Variants in FOXJ2 observed in about 807,000 individuals in gnomAD.
The protein encoded by FOXJ2 is forkhead box J2.
In FOXJ2, 18 loss-of-function variants were observed where a neutral mutation model predicts 68.4. That is an observed-to-expected ratio of 0.26 (90% CI 0.18 to 0.39). FOXJ2 has a LOEUF of 0.39. FOXJ2 is among the 10% of genes least tolerant of loss of function. The pLI is 1.00. For synonymous variants in FOXJ2, 274 were observed against 263.2 expected, an observed-to-expected ratio of 1.04 and a Z score of -0.40; for missense variants, 670 against 726.5, an observed-to-expected ratio of 0.92 and a Z score of 0.89.
chr12:8,032,888 A>G lies in FOXJ2; in HGVS notation c.-960A>G. 2.5e-6 allele frequency: 1 copy of G among 398,194 alleles called. No individual in the cohort carries two copies. The highest frequency in any genetic ancestry group is 4.4e-6 in the Non-Finnish European group (1 of 225,846). The allele number at this position is 398,194 out of a possible 1,614,324, so 24.7% of individuals were successfully genotyped here. ...CGGCCCTAGAGGAGGTGCTGCCGCCACAGTAGCAGGGACCGGAGTCTCGAG... is the reference window on the plus strand; with the variant it reads ...CGGCCCTAGAGGAGGTGCTGCCGCCGCAGTAGCAGGGACCGGAGTCTCGAG... On this transcript the variant is annotated 5_prime_UTR_variant, in exon 1 of 11. Coordinates refer to ENST00000162391, the MANE Select transcript of FOXJ2 (RefSeq NM_018416.3). The surrounding 1 kb of genome is among the most constrained non-coding windows in gnomAD (Gnocchi z 4.8).
At chr12:8,047,798 G>T in intron 6 of FOXJ2, 84 bp from the exon 7 acceptor site, 1 of 1,483,530 alleles carries the variant, frequency 6.7e-7, no homozygotes, top group Non-Finnish European at 9.0e-7. Flanking sequence ...TTAGTCTGAG[G>T]CTTCCCATCT....
Position 8,048,113 on chromosome 12 carries a change from A to G in FOXJ2, c.1049A>G (p.Lys350Arg), listed in dbSNP as rs1333212843. The G allele has an allele frequency of 1.2e-6, 2 of 1,612,904 alleles. No individual in the cohort carries two copies. Among genetic ancestry groups the G allele is most frequent in the Non-Finnish European group, 1.7e-6 (2 of 1,179,390 alleles). ...GATGGTTGTACCCCACCAGGGGGAAAGCAAGCTGGGGCGGAAGGCTATGGG... is the reference window on the plus strand; with the variant it reads ...GATGGTTGTACCCCACCAGGGGGAAGGCAAGCTGGGGCGGAAGGCTATGGG... ...STDGCTPPGG[K>R]QAGAEGYGPP... is the part of the protein sequence containing the mutation. The change falls in exon 7 of 11, where the codon AAG (lysine) becomes AGG (arginine). Residue 350 changes from lysine to arginine, a missense_variant. By Grantham distance (26) the Lys-to-Arg change is conservative. This residue lies in a region of FOXJ2 where 555 missense variants were observed against 562.2 expected (regional missense o/e 0.99). Coordinates refer to ENST00000162391, the MANE Select transcript of FOXJ2 (RefSeq NM_018416.3).
intron 10 of FOXJ2, among the ~76,000 whole-genome samples, chr12:8,052,147 C>A (rs1014005554): frequency 2.6e-5 from 4 of 152,020 alleles, no homozygotes; most frequent in Non-Finnish European, 5.9e-5. Context: ...GGATTATAGG[C>A]ATGAGCCACC....
intron 10 of FOXJ2, among the ~76,000 whole-genome samples, chr12:8,050,823 C>T (rs1238240463): frequency 7.2e-6 from 1 of 138,068 alleles, no homozygotes; most frequent in African/African-American, 2.8e-5. Flanking sequence ...GTCCCCTCCC[C>T]TCCCTTCCCC....
Position 8,052,822 on chromosome 12 carries a change from A to G in FOXJ2, c.1697A>G (p.Asp566Gly). 6.2e-7 allele frequency: 1 copy of G among 1,608,974 alleles called. No homozygotes were observed. The change falls in exon 11 of 11, where the codon GAT becomes GGT. Residue 566 changes from aspartate to glycine, a missense_variant. By Grantham distance (94) the Asp-to-Gly change is moderately conservative. This residue lies in a region of FOXJ2 where 555 missense variants were observed against 562.2 expected (regional missense o/e 0.99). Transcript: ENST00000162391. ...PPPGANEEIP[D>G]DFDWDLIT ...CCTGGTGCCAATGAGGAGATCCCTG[A>G]TGACTTCGACTGGGACTTGATCACT...
intron 9 of FOXJ2, chr12:8,050,207 C>A: frequency 2.2e-6 from 1 of 463,214 alleles, no homozygotes; most frequent in Non-Finnish European, 3.1e-6. Context: ...AACTCTTGGA[C>A]TCAAGGGATC....
chr12:8,040,389 A>T lies in FOXJ2; in HGVS notation c.333+224A>T, dbSNP rs1946949484. 6.6e-6 allele frequency among the ~76,000 whole-genome samples: 1 copy of T among 151,502 alleles called. No homozygotes were observed. Among genetic ancestry groups the T allele is most frequent in the Non-Finnish European group, 1.5e-5 (1 of 67,910 alleles). Reference sequence around the variant, plus strand: ...CAAGCCATTAAGTATAGTGATGGGGATGGCAGGACGCTGTTGCTCATCACA... The same window carrying T: ...CAAGCCATTAAGTATAGTGATGGGGTTGGCAGGACGCTGTTGCTCATCACA... On this transcript the variant is annotated intron_variant, in intron 2 of 10. Coordinates refer to ENST00000162391, the MANE Select transcript of FOXJ2 (RefSeq NM_018416.3). This position sits in a 1 kb window ranked among gnomAD's most constrained non-coding sequence, Gnocchi z 4.0.
Position 8,050,484 on chromosome 12 carries a change from C to A in FOXJ2, c.1538-38C>A, listed in dbSNP as rs371445116. On this transcript the variant is annotated intron_variant, in intron 9 of 10. Transcript: ENST00000162391. ...TGCTTTGTTGAGTACAGTGACCCGC[C>A]CCCCCCAACTCAAGTAACTCTTGTC... is the stretch of plus-strand genomic sequence containing the variant. 49 of 1,598,660 alleles carry A rather than the reference C, an allele frequency of 3.1e-5. No individual in the cohort carries two copies. The African/African-American group carries it at 6.0e-4, about 19-fold the overall frequency.
intron 8 of FOXJ2, 140 bp downstream of exon 8, chr12:8,048,938 A>T: frequency 1.5e-6 from 1 of 654,404 alleles, no homozygotes; most frequent in Non-Finnish European, 2.7e-6. Context: ...CACAAGATGG[A>T]TCATATTTAC....
intron 3 of FOXJ2, 149 bp from the exon 4 acceptor site, chr12:8,043,552 A>C (rs1946995691): frequency 4.0e-6 from 3 of 752,218 alleles, no homozygotes; most frequent in Non-Finnish European, 6.8e-6. Context: ...CCCCTCCAAA[A>C]CAATCGAGGC....
At chr12:8,041,879 ATT>A (rs112462519) in intron 2 of FOXJ2, among the ~76,000 whole-genome samples, 15 of 135,960 alleles carry the variant, frequency 1.1e-4, no homozygotes, top group Non-Finnish European at 9.6e-5. Flanking sequence ...CAACACACAC[ATT>A]TTTTTTTTTT....
intron 7 of FOXJ2, among the ~76,000 whole-genome samples, 200 bp downstream of exon 7, chr12:8,048,489 T>C (rs1476792934): frequency 3.3e-5 from 5 of 152,262 alleles, no homozygotes; most frequent in African/African-American, 1.2e-4. Context: ...TTGTTTTACA[T>C]ATTCTCCTGA....
At position 8,048,872 on chromosome 12, in the gene FOXJ2, G is replaced by T. The variant is rs941498121; in HGVS notation, c.1327+74G>T. ...ACCCAGTAGAAACTGGAACCGGAAG[G>T]GGGTGGTTAAATGAAGTTGCAGAAA... On this transcript the variant is annotated intron_variant, in intron 8 of 10. Coordinates refer to ENST00000162391, the MANE Select transcript of FOXJ2 (RefSeq NM_018416.3). The T allele has an allele frequency of 1.8e-5, 22 of 1,239,446 alleles. No individual in the cohort carries two copies. In the South Asian group the frequency reaches 2.1e-4, roughly 12 times the overall value. The allele number at this position is 1,239,446 out of a possible 1,614,324, so 76.8% of individuals were successfully genotyped here. A position where few individuals can be genotyped will look rare whatever the true frequency, so the allele number is the denominator to read the frequency against.
intron 9 of FOXJ2, chr12:8,049,802 C>A: frequency 4.4e-6 from 2 of 450,514 alleles, no homozygotes; most frequent in Non-Finnish European, 7.8e-6. Flanking sequence ...TTTGGGAGAT[C>A]AGAATTGTTT....
chr12:8,034,574 C>T (rs376114713), intron 1 of FOXJ2, among the ~76,000 whole-genome samples: 22 of 152,282 alleles, frequency 1.4e-4, no homozygotes, highest in African/African-American at 5.1e-4. Flanking sequence ...GTCCCCTTCT[C>T]GACTCCTGTT....
intron 1 of FOXJ2, among the ~76,000 whole-genome samples, chr12:8,037,041 A>G (rs1029927008): frequency 1.3e-5 from 2 of 152,220 alleles, no homozygotes; most frequent in Non-Finnish European, 2.9e-5. Context: ...GTGAGCCGAG[A>G]TCGCGCCACT....
intron 7 of FOXJ2, 139 bp downstream of exon 7, chr12:8,048,428 C>T: frequency 7.2e-7 from 1 of 1,382,398 alleles, no homozygotes; most frequent in South Asian, 1.5e-5. Flanking sequence ...CTAATCTGAA[C>T]AAAGTTACTA....
intron 5 of FOXJ2, 30 bp downstream of exon 5, chr12:8,044,121 G>A: frequency 6.7e-7 from 1 of 1,500,172 alleles, no homozygotes; most frequent in Non-Finnish European, 8.9e-7. Flanking sequence ...GGGGTCATGG[G>A]ATGGGTGGTG....
intron 1 of FOXJ2, among the ~76,000 whole-genome samples, 190 bp downstream of exon 1, chr12:8,034,023 G>C (rs1234100479): frequency 6.6e-6 from 1 of 152,154 alleles, no homozygotes; most frequent in Non-Finnish European, 1.5e-5. Context: ...CTGAGAAATG[G>C]GTTTCTTAGT....
Sources: allele counts gnomAD v4.1 joint callset (sites outside exome capture counted in the v4.1 genomes callset), GRCh38; gene constraint gnomAD v4.1.1; regional missense constraint gnomAD v4.1.1; non-coding constraint Gnocchi (gnomAD v3.1); transcripts MANE v1.5; gene names NCBI Gene and HGNC (gene_info 2026-07-23, HGNC 2026-07-21).